Variants in WDR75 observed in about 807,000 individuals in gnomAD.
WDR75 encodes WD repeat domain 75.
In WDR75, 52 loss-of-function variants were observed where a neutral mutation model predicts 106.1. That is an observed-to-expected ratio of 0.49 (90% CI 0.39 to 0.62). The LOEUF is 0.62. Among genes scored for constraint, WDR75 ranks in the 20% least tolerant of loss-of-function variants. WDR75 has a pLI of 0.00. For synonymous variants in WDR75, 333 were observed against 335.5 expected (o/e 0.99, Z 0.08); for missense variants, 905 against 970.3 (o/e 0.93, Z 0.89).
At chr2:189,450,514 G>A (rs748031776) in intron 2 of WDR75, 10 of 918,208 alleles carry the variant, frequency 1.1e-5, no homozygotes, top group Admixed American at 5.9e-5. Flanking sequence ...TAGGGGTTTC[G>A]TCATGTTGGC....
At chr2:189,454,860 TCAAA>T (rs1686700573) in intron 4 of WDR75, among the ~76,000 whole-genome samples, 1 of 152,186 alleles carries the variant, frequency 6.6e-6, no homozygotes, top group African/African-American at 2.4e-5. Flanking sequence ...ACTTGCTCAT[TCAAA>T]CAAAGAGTCC....
At position 189,462,532 on chromosome 2, in the gene WDR75, G is replaced by T; in HGVS notation, c.827G>T (p.Arg276Leu). Residue 276 changes from arginine (R) to leucine (L), a missense_variant, in exon 9 of 21, where the codon CGC becomes CTC. Coordinates refer to ENST00000314761, the MANE Select transcript of WDR75 (RefSeq NM_032168.3). ...CGTGAATCTGTACTTGTAGAGTGGC[G>T]CGATGCAACAGAGAAGAATAAGGAG... ...GGRESVLVEW[R>L]DATEKNKEFL... The T allele has an allele frequency of 6.2e-7, 1 of 1,614,022 alleles. No individual in the cohort carries two copies. The highest frequency in any genetic ancestry group is 8.5e-7 in the Non-Finnish European group (1 of 1,179,966).
chr2:189,464,796 G>A (rs13401179), intron 11 of WDR75, among the ~76,000 whole-genome samples: 5,400 of 151,986 alleles, frequency 0.036, 111 homozygotes, highest in Admixed American at 0.05. Flanking sequence ...ATAAATTAAC[G>A]GTTCTGTTGT....
Position 189,458,745 on chromosome 2 carries a change from T to C in WDR75, c.570-8T>C, listed in dbSNP as rs200634955. 3.4e-5 allele frequency: 52 copies of C among 1,536,596 alleles called. No homozygotes were observed. Among genetic ancestry groups the C allele is most frequent in the South Asian group, 1.3e-5 (1 of 77,908 alleles). ...TAATTAAGGGAATTTGTTTTTTTTT[T>C]CTCCTAGGTTTACTTTATCATCATC... On this transcript the variant is annotated splice_region_variant and splice_polypyrimidine_tract_variant and intron_variant, in intron 6 of 20. Transcript: ENST00000314761.
At chr2:189,450,811 G>A in intron 2 of WDR75, 92 bp from the exon 3 acceptor site, 1 of 1,557,230 alleles carries the variant, frequency 6.4e-7, no homozygotes, top group African/African-American at 1.4e-5. Flanking sequence ...TTAATGAATA[G>A]AAAATGCCCC....
At chr2:189,466,693 T>G in intron 13 of WDR75, 111 bp downstream of exon 13, 2 of 1,060,496 alleles carry the variant, frequency 1.9e-6, no homozygotes, top group Non-Finnish European at 2.7e-6. Context: ...TATTGAATTC[T>G]ACAGGATATT....
At chr2:189,455,068 C>T (rs1240003543) in intron 4 of WDR75, among the ~76,000 whole-genome samples, 1 of 151,864 alleles carries the variant, frequency 6.6e-6, no homozygotes, top group African/African-American at 2.4e-5. Flanking sequence ...TGGTGGAACC[C>T]CATCGCCACT....
chr2:189,457,864 T>C (rs1574195080), intron 6 of WDR75, among the ~76,000 whole-genome samples: 1 of 152,182 alleles, frequency 6.6e-6, no homozygotes, highest in East Asian at 1.9e-4. Context: ...GTGCTAAGTA[T>C]TGAATAGTTA....
At chr2:189,441,914 G>A (rs1442634187) in intron 1 of WDR75, among the ~76,000 whole-genome samples, 5 of 152,162 alleles carry the variant, frequency 3.3e-5, no homozygotes, top group Non-Finnish European at 7.3e-5. Flanking sequence ...CTACTCTTTC[G>A]TACAGAATCA....
intron 2 of WDR75, chr2:189,450,159 T>C: frequency 1.0e-6 from 1 of 971,238 alleles, no homozygotes. Flanking sequence ...CATATTATAA[T>C]TTCTATTGTA....
chr2:189,468,316 C>T (rs868140159), intron 14 of WDR75, among the ~76,000 whole-genome samples, 159 bp from the exon 15 acceptor site: 3 of 152,076 alleles, frequency 2.0e-5, no homozygotes, highest in Non-Finnish European at 2.9e-5. Flanking sequence ...TCCTTTTGTA[C>T]TCCTTAGACA....
intron 1 of WDR75, among the ~76,000 whole-genome samples, chr2:189,445,984 G>A (rs562010057): frequency 2.0e-5 from 3 of 152,084 alleles, no homozygotes; most frequent in African/African-American, 2.4e-5. Context: ...CCTTTTTTCT[G>A]AGGAAGCTTA....
intron 4 of WDR75, among the ~76,000 whole-genome samples, chr2:189,453,490 TTAA>T (rs1352659771): frequency 1.3e-5 from 2 of 152,182 alleles, no homozygotes; most frequent in African/African-American, 4.8e-5. Flanking sequence ...CATGAAGAAC[TTAA>T]TAAGATTCTG....
At chr2:189,462,738 G>A (rs1396182829) in intron 9 of WDR75, 96 bp downstream of exon 9, 1 of 1,212,448 alleles carries the variant, frequency 8.2e-7, no homozygotes, top group East Asian at 2.4e-5. Flanking sequence ...AAAACTAAGA[G>A]TAGCGTATGA....
At chr2:189,460,023 G>C (rs1249991013) in intron 8 of WDR75, among the ~76,000 whole-genome samples, 1 of 152,158 alleles carries the variant, frequency 6.6e-6, no homozygotes, top group Non-Finnish European at 1.5e-5. Flanking sequence ...GCTTTGTGTA[G>C]TGTAGCTATA....
At chr2:189,455,943 T>C (rs1686726566) in intron 5 of WDR75, among the ~76,000 whole-genome samples, 1 of 152,224 alleles carries the variant, frequency 6.6e-6, no homozygotes, top group African/African-American at 2.4e-5. Flanking sequence ...AACATGTTTT[T>C]CATAAATTAT....
Position 189,475,349 on chromosome 2 carries a change from T to C in WDR75, c.2425T>C (p.Ser809Pro). The C allele has an allele frequency of 6.2e-7, 1 of 1,612,616 alleles. No individual in the cohort carries two copies. The highest frequency in any genetic ancestry group is 1.3e-5 in the African/African-American group (1 of 74,978). Residue 809 changes from serine (S) to proline (P), a missense_variant, in exon 21 of 21, where the codon TCA becomes CCA. Transcript: ENST00000314761. ...GLGEDIIHQL[S>P]KSEEKELRKF... ...AGGAGAAGACATTATACATCAGTTG[T>C]CAAAATCTGAAGAAAAAGAACTGAG...
intron 2 of WDR75, chr2:189,450,206 A>C: frequency 4.1e-6 from 4 of 985,412 alleles, no homozygotes; most frequent in Non-Finnish European, 3.6e-6. Flanking sequence ...GATTGGAAGA[A>C]ATTTTTTTAA....
intron 5 of WDR75, among the ~76,000 whole-genome samples, chr2:189,456,638 A>G (rs1474913749): frequency 6.6e-6 from 1 of 152,118 alleles, no homozygotes; most frequent in African/African-American, 2.4e-5. Flanking sequence ...ATGACTGTAA[A>G]GAGGGAGGAG....
Sources: allele counts gnomAD v4.1 joint callset (sites outside exome capture counted in the v4.1 genomes callset), GRCh38; gene constraint gnomAD v4.1.1; transcripts MANE v1.5; gene names NCBI Gene and HGNC (gene_info 2026-07-23, HGNC 2026-07-21).